The following IMMP2L variants were observed in gnomAD, a reference collection of about 807,000 sequenced individuals.
The protein encoded by IMMP2L is inner mitochondrial membrane peptidase subunit 2, also known as mitochondrial inner membrane protease subunit 2.
A neutral mutation model predicts 19.3 loss-of-function variants in IMMP2L; 18 were observed. That is an observed-to-expected ratio of 0.93 (90% CI 0.64 to 1.38). The LOEUF (loss-of-function observed/expected upper bound fraction) is 1.38. Among genes scored for constraint, IMMP2L ranks in the 40% most tolerant of loss-of-function variants. IMMP2L has a pLI of 0.00. For missense variants in IMMP2L, 233 were observed against 218.2 expected, an observed-to-expected ratio of 1.07 and a Z score of -0.43; for synonymous variants, 76 against 73.0, an observed-to-expected ratio of 1.04 and a Z score of -0.21.
At chr7:111,191,216 A>T (rs946117182) in intron 3 of IMMP2L, among the ~76,000 whole-genome samples, 3 of 151,978 alleles carry the variant, frequency 2.0e-5, no homozygotes, top group African/African-American at 7.3e-5. Context: ...ATTCTTTTTT[A>T]AAAAAATATT....
At position 111,077,165 on chromosome 7, in the gene IMMP2L, C is replaced by T. The variant is rs548824570; in HGVS notation, c.240-113600G>A. ...TTGCAAAACAAAGCTGCATCTTATA[C>T]TGACTACTTCTTGGAATTTCTTGTT... On this transcript the variant is annotated intron_variant, in intron 3 of 5. Transcript: ENST00000405709. Among the ~76,000 whole-genome samples, 11 of 152,350 alleles carry T rather than the reference C, an allele frequency of 7.2e-5. No homozygotes were observed. In the East Asian group the frequency reaches 1.4e-3, roughly 19 times the overall value.
intron 3 of IMMP2L, among the ~76,000 whole-genome samples, chr7:111,273,034 T>G (rs1818641319): frequency 1.3e-5 from 2 of 152,064 alleles, no homozygotes; most frequent in South Asian, 4.2e-4. Flanking sequence ...TCTCAGCACT[T>G]TGGAAGGTGG....
intron 5 of IMMP2L, among the ~76,000 whole-genome samples, chr7:110,756,886 A>G (rs1055493128): frequency 6.6e-6 from 1 of 152,196 alleles, no homozygotes; most frequent in African/African-American, 2.4e-5. Flanking sequence ...GAACCCACTC[A>G]GTAAGGGTTT....
chr7:111,064,521 T>A (rs1175678064), intron 3 of IMMP2L, among the ~76,000 whole-genome samples: 4 of 152,184 alleles, frequency 2.6e-5, no homozygotes, highest in Non-Finnish European at 4.4e-5. Flanking sequence ...CTAGGATTCA[T>A]GGGTCCAGGA....
At chr7:110,840,119 C>A (rs1325575944) in intron 5 of IMMP2L, among the ~76,000 whole-genome samples, 1 of 152,160 alleles carries the variant, frequency 6.6e-6, no homozygotes, top group Admixed American at 6.6e-5. Flanking sequence ...TGAACGGTCA[C>A]AGCTGCTGCT....
chr7:111,307,113 A>T (rs575354600), intron 3 of IMMP2L, among the ~76,000 whole-genome samples: 4 of 151,362 alleles, frequency 2.6e-5, no homozygotes, highest in African/African-American at 9.7e-5. Context: ...AAAGGAAATA[A>T]GCACCTCTAT....
chr7:111,474,205 AAACT>A (rs1215608121), intron 3 of IMMP2L, among the ~76,000 whole-genome samples: 8 of 152,112 alleles, frequency 5.3e-5, no homozygotes, highest in Non-Finnish European at 1.0e-4. Flanking sequence ...AAAGGTTGAT[AAACT>A]AACTATTGGC....
chr7:111,530,485 A>C (rs1306858210), intron 1 of IMMP2L, among the ~76,000 whole-genome samples: 1 of 152,156 alleles, frequency 6.6e-6, no homozygotes, highest in Non-Finnish European at 1.5e-5. Context: ...GTTAGGGGCA[A>C]TCATATGTAC....
intron 3 of IMMP2L, among the ~76,000 whole-genome samples, chr7:111,414,606 C>T (rs956695045): frequency 6.6e-6 from 1 of 151,816 alleles, no homozygotes; most frequent in African/African-American, 2.4e-5. Flanking sequence ...GCATGACATG[C>T]ATTTGTCAAA....
intron 5 of IMMP2L, among the ~76,000 whole-genome samples, chr7:110,824,186 A>G (rs549408356): frequency 4.2e-4 from 64 of 152,204 alleles, no homozygotes; most frequent in African/African-American, 1.4e-3. Flanking sequence ...AAGACAAAAA[A>G]TGGATACGTA....
chr7:111,552,885 C>A (rs976749815), intron 1 of IMMP2L, among the ~76,000 whole-genome samples: 30 of 152,250 alleles, frequency 2.0e-4, no homozygotes, highest in African/African-American at 7.2e-4. Flanking sequence ...TCGGGAAAGT[C>A]ATCTGCCATC....
At chr7:111,435,336 G>C (rs766320986) in intron 3 of IMMP2L, among the ~76,000 whole-genome samples, 1 of 151,822 alleles carries the variant, frequency 6.6e-6, no homozygotes, top group Non-Finnish European at 1.5e-5. Context: ...ATACAACTTA[G>C]AATACTATGC....
chr7:110,809,784 C>A (rs1708679164), intron 5 of IMMP2L, among the ~76,000 whole-genome samples: 1 of 151,968 alleles, frequency 6.6e-6, no homozygotes, highest in African/African-American at 2.4e-5. Flanking sequence ...GAGTTTTAAA[C>A]AACAAAGCAA....
chr7:111,509,248 T>C (rs1465434126), intron 2 of IMMP2L, among the ~76,000 whole-genome samples: 2 of 152,144 alleles, frequency 1.3e-5, no homozygotes, highest in African/African-American at 4.8e-5. Context: ...AGGTCTGAAA[T>C]GGGGCTCATT....
rs577025107 is a variant in IMMP2L, at chr7:110,933,240, G to C, written c.305+30260C>G. 1.2e-4 allele frequency among the ~76,000 whole-genome samples: 19 copies of C among 152,276 alleles called. No homozygotes were observed. In the East Asian group the frequency reaches 3.3e-3, roughly 26 times the overall value. The stretch of plus-strand genomic sequence containing the variant: ...TAACCAGATGCCCAAATACTGGAGG[G>C]GGGTAATGAGGCAGTGATTAAACAC... On this transcript the variant is annotated intron_variant, in intron 4 of 5. Coordinates refer to ENST00000405709, the MANE Select transcript of IMMP2L (RefSeq NM_032549.4).
chr7:110,826,629 C>A (rs1584950160), intron 5 of IMMP2L, among the ~76,000 whole-genome samples: 1 of 151,798 alleles, frequency 6.6e-6, no homozygotes, highest in African/African-American at 2.4e-5. Context: ...TAGGTGGGAA[C>A]TGAACAATGA....
At chr7:111,475,742 T>C (rs373207720) in intron 3 of IMMP2L, among the ~76,000 whole-genome samples, 1 of 152,110 alleles carries the variant, frequency 6.6e-6, no homozygotes, top group Admixed American at 6.6e-5. Flanking sequence ...TTTAAATAAA[T>C]AGGAAAGGAT....
At chr7:111,240,233 C>T (rs149685044) in intron 3 of IMMP2L, among the ~76,000 whole-genome samples, 236 of 152,082 alleles carry the variant, frequency 1.6e-3, no homozygotes, top group African/African-American at 5.2e-3. Flanking sequence ...TGAATGGCTG[C>T]TTGCCAGCTG....
rs142686942 is a variant in IMMP2L at position 110,909,259 on chromosome 7, T to A, written c.306-22564A>T. Among the ~76,000 whole-genome samples the A allele has an allele frequency of 5.5e-3, 844 of 152,174 alleles. 8 individuals are homozygous for A. The highest frequency in any genetic ancestry group is 0.019 in the African/African-American group (772 of 41,508). ...TGTACTTTGCTGGAAGAACAAAGGA[T>A]CTTAGTCCAGTGGTATTATTTAATC... On this transcript the variant is annotated intron_variant, in intron 4 of 5. Transcript: ENST00000405709.
Sources: gnomAD v4.1 joint callset for allele counts (sites outside exome capture counted in the v4.1 genomes callset) on GRCh38, gnomAD v4.1.1 for gene constraint, MANE v1.5 for transcripts, NCBI Gene and HGNC (gene_info 2026-07-23, HGNC 2026-07-21) for gene names.